EYS: variants seen among roughly 807,000 people sequenced by gnomAD.
EYS encodes EGF-like photoreceptor maintenance factor, also known as protein eyes shut homolog.
EYS carries 250 observed loss-of-function variants against 282.1 expected under a neutral mutation model. That is an observed-to-expected ratio of 0.89 (90% CI 0.80 to 0.98). The LOEUF is 0.98. Among genes scored for constraint, EYS ranks in the 50% least tolerant of loss-of-function variants. EYS has a pLI of 0.00. For missense variants in EYS, 4,016 were observed against 3,709.0 expected (o/e 1.08, Z -2.15); for synonymous variants, 1,355 against 1,282.9 (o/e 1.06, Z -1.20).
chr6:65,136,198 A>G (rs1776019432), intron 12 of EYS, among the ~76,000 whole-genome samples: 1 of 152,020 alleles, frequency 6.6e-6, no homozygotes, highest in Non-Finnish European at 1.5e-5. Context: ...TCCATAGCAT[A>G]TTCTTCATGA....
intron 5 of EYS, among the ~76,000 whole-genome samples, chr6:65,443,297 T>C (rs367954569): frequency 9.8e-6 from 1 of 101,786 alleles, no homozygotes; most frequent in Non-Finnish European, 2.5e-5. Context: ...CATATATGCA[T>C]ACATGTGTGT....
rs565864295 is a variant in EYS at position 65,295,936 on chromosome 6, C to T, written c.1950G>A (p.Ala650=). The T allele has an allele frequency of 6.4e-5, 100 of 1,550,688 alleles. No individual in the cohort carries two copies. The highest frequency in any genetic ancestry group is 9.5e-5 in the South Asian group (8 of 84,044). Residue 650 remains alanine (A), a synonymous_variant, in exon 12 of 43, where the codon GCG becomes GCA. Coordinates refer to ENST00000503581, the MANE Select transcript of EYS (RefSeq NM_001142800.2). The part of the protein sequence containing the change: ...CEIDTEDCKS[A]SCKNGTTSTH... ...TACTAGTTGTTCCATTTTTGCAGGA[C>T]GCAGATTTGCAGTCTTCAGTATCTA...
intron 41 of EYS, among the ~76,000 whole-genome samples, chr6:63,734,101 T>C (rs551186403): frequency 1.8e-3 from 276 of 152,176 alleles, no homozygotes; most frequent in African/African-American, 6.1e-3. Flanking sequence ...ATGGGAACAA[T>C]TGACACTGGG....
intron 22 of EYS, among the ~76,000 whole-genome samples, chr6:64,791,968 C>T (rs1401544278): frequency 1.3e-5 from 2 of 151,732 alleles, no homozygotes; most frequent in African/African-American, 2.4e-5. Context: ...TTATGTGGTC[C>T]ATAGCATTGT....
chr6:65,554,667 G>A (rs1012773715), intron 2 of EYS, among the ~76,000 whole-genome samples: 1 of 152,024 alleles, frequency 6.6e-6, no homozygotes, highest in Admixed American at 6.6e-5. Context: ...CATTTTGCAG[G>A]TACTCAGTTG....
chr6:65,394,636 ACCTTTGAGGCC>A (rs1226923514), intron 7 of EYS, among the ~76,000 whole-genome samples: 1 of 152,048 alleles, frequency 6.6e-6, no homozygotes, highest in Non-Finnish European at 1.5e-5. Flanking sequence ...ACTATGATCT[ACCTTTGAGGCC>A]ATTAAAATTA....
At chr6:65,068,671 C>T (rs1203455587) in intron 12 of EYS, among the ~76,000 whole-genome samples, 1 of 151,976 alleles carries the variant, frequency 6.6e-6, no homozygotes, top group Non-Finnish European at 1.5e-5. Context: ...TTCTAGGTAT[C>T]ATAGGCCAGC....
At chr6:65,405,787 C>T (rs1019978276) in intron 5 of EYS, among the ~76,000 whole-genome samples, 1 of 151,982 alleles carries the variant, frequency 6.6e-6, no homozygotes, top group Admixed American at 6.6e-5. Context: ...CTTTATATTG[C>T]TAAAGAGTAA....
chr6:65,566,284 A>C (rs893796450), intron 2 of EYS, among the ~76,000 whole-genome samples: 1 of 152,070 alleles, frequency 6.6e-6, no homozygotes, highest in Non-Finnish European at 1.5e-5. Context: ...CTGTAACTTC[A>C]ACCACCAAGT....
intron 12 of EYS, among the ~76,000 whole-genome samples, chr6:65,277,917 G>A (rs990767783): frequency 6.6e-6 from 1 of 152,050 alleles, no homozygotes; most frequent in African/African-American, 2.4e-5. Flanking sequence ...GGGCCACATG[G>A]TACTCAGATA....
At chr6:64,002,661 G>A (rs1377359123) in intron 33 of EYS, among the ~76,000 whole-genome samples, 1 of 152,160 alleles carries the variant, frequency 6.6e-6, no homozygotes, top group Non-Finnish European at 1.5e-5. Context: ...GTCCTGTGAG[G>A]GGAATCTGGG....
intron 22 of EYS, among the ~76,000 whole-genome samples, chr6:64,657,647 G>C (rs1768799053): frequency 6.6e-6 from 1 of 152,144 alleles, no homozygotes; most frequent in South Asian, 2.1e-4. Context: ...ATTCTGGGTT[G>C]AAAATTCTTT....
chr6:64,441,872 G>A (rs1467925352), intron 26 of EYS, among the ~76,000 whole-genome samples: 2 of 152,098 alleles, frequency 1.3e-5, no homozygotes, highest in African/African-American at 2.4e-5. Flanking sequence ...TCTTTCTTTT[G>A]TAAATCACCC....
chr6:64,646,741 C>T (rs1331052389), intron 22 of EYS, among the ~76,000 whole-genome samples: 1 of 151,148 alleles, frequency 6.6e-6, no homozygotes, highest in East Asian at 1.9e-4. Flanking sequence ...GGAGGTGGAG[C>T]TTGCAGTAAG....
chr6:64,000,589 A>G (rs963520185), intron 33 of EYS, among the ~76,000 whole-genome samples: 1 of 152,098 alleles, frequency 6.6e-6, no homozygotes, highest in Non-Finnish European at 1.5e-5. Flanking sequence ...ATTTTATTAA[A>G]CAATTATTGG....
intron 25 of EYS, 125 bp downstream of exon 25, chr6:64,592,992 A>C: frequency 4.5e-6 from 3 of 666,304 alleles, no homozygotes; most frequent in Non-Finnish European, 7.0e-6. Flanking sequence ...ATAATGCTTA[A>C]TTTTACACCC....
intron 24 of EYS, among the ~76,000 whole-genome samples, chr6:64,595,015 A>T (rs1001164937): frequency 2.0e-5 from 3 of 152,068 alleles, no homozygotes; most frequent in African/African-American, 7.2e-5. Context: ...GGCAACTATC[A>T]TTGATGAACC....
intron 29 of EYS, among the ~76,000 whole-genome samples, chr6:64,362,699 A>AT (rs1272070322): frequency 6.6e-6 from 1 of 151,738 alleles, no homozygotes; most frequent in Non-Finnish European, 1.5e-5. Context: ...TCTTTTCTTT[A>AT]TTTTTGGCAG....
chr6:65,579,296 T>C (rs112472216), intron 2 of EYS, among the ~76,000 whole-genome samples: 2 of 152,060 alleles, frequency 1.3e-5, no homozygotes, highest in African/African-American at 4.8e-5. Context: ...TTTATAGACA[T>C]TGAAATACAA....
Sources: allele counts gnomAD v4.1 joint callset (sites outside exome capture counted in the v4.1 genomes callset), GRCh38; gene constraint gnomAD v4.1.1; transcripts MANE v1.5; gene names NCBI Gene and HGNC (gene_info 2026-07-23, HGNC 2026-07-21).